The following KCNS3 variants were observed in gnomAD, a reference collection of about 807,000 sequenced individuals.
KCNS3 encodes the protein delayed-rectifier potassium channel regulatory subunit KCNS3.
Under a neutral mutation model 31.0 loss-of-function variants are expected in KCNS3, and 13 were observed. The ratio of observed to expected loss-of-function variants is 0.42; its 90% CI spans 0.27 to 0.67. KCNS3 has a LOEUF of 0.67. Ranked by LOEUF, KCNS3 falls within the 30% of genes least tolerant of loss-of-function variation. KCNS3 has a pLI of 0.25. For missense variants in KCNS3, 545 were observed against 622.4 expected (o/e 0.88, Z 1.32); for synonymous variants, 238 against 241.5 (o/e 0.99, Z 0.13).
Position 17,922,771 on chromosome 2 carries a change from C to CT in KCNS3, c.-60+4907dup, listed in dbSNP as rs200811821. On this transcript the variant is annotated intron_variant, in intron 2 of 2. Coordinates refer to ENST00000304101, the MANE Select transcript of KCNS3 (RefSeq NM_002252.5). ...AATACAATATATGATCTTTTATTGT[C>CT]TTTTTTTAAGTAGACCTTTTTCATT... 5.3e-4 allele frequency among the ~76,000 whole-genome samples: 79 copies of CT among 150,276 alleles called. No individual in the cohort carries two copies. The East Asian group carries it at 0.011, about 21-fold the overall frequency.
chr2:17,909,113 G>C (rs190875765), intron 1 of KCNS3, among the ~76,000 whole-genome samples: 3 of 152,332 alleles, frequency 2.0e-5, no homozygotes, highest in Non-Finnish European at 4.4e-5. Flanking sequence ...CACCCAGTTC[G>C]AGCTTCTGGG....
At chr2:17,921,956 T>TATATATATATAA (rs1572501102) in intron 2 of KCNS3, among the ~76,000 whole-genome samples, 2 of 136,732 alleles carry the variant, frequency 1.5e-5, no homozygotes, top group East Asian at 2.1e-4. Context: ...TATATATATA[T>TATATATATATAA]ATAAATACAT....
chr2:17,911,750 A>G (rs1399608473), intron 1 of KCNS3, among the ~76,000 whole-genome samples: 1 of 152,230 alleles, frequency 6.6e-6, no homozygotes, highest in Admixed American at 6.5e-5. Flanking sequence ...TTTTACATGC[A>G]GTAGAGCTGT....
chr2:17,911,650 A>G (rs1662473742), intron 1 of KCNS3, among the ~76,000 whole-genome samples: 1 of 152,232 alleles, frequency 6.6e-6, no homozygotes. Flanking sequence ...TTTACTCTAA[A>G]AAGACATATT....
chr2:17,924,441 A>T (rs1336053966), intron 2 of KCNS3, among the ~76,000 whole-genome samples: 2 of 152,102 alleles, frequency 1.3e-5, no homozygotes, highest in Admixed American at 1.3e-4. Context: ...CCTGATCTTA[A>T]GAGAAATGCT....
At chr2:17,925,987 C>G (rs1390648752) in intron 2 of KCNS3, among the ~76,000 whole-genome samples, 1 of 152,162 alleles carries the variant, frequency 6.6e-6, no homozygotes, top group African/African-American at 2.4e-5. Flanking sequence ...TAGTTACTAC[C>G]AAGATACAAT....
chr2:17,922,890 A>C (rs1662750319), intron 2 of KCNS3, among the ~76,000 whole-genome samples: 1 of 152,166 alleles, frequency 6.6e-6, no homozygotes, highest in South Asian at 2.1e-4. Flanking sequence ...CGCTATTATG[A>C]ATAATGCTGC....
At chr2:17,930,823 A>G in intron 2 of KCNS3, 127 bp from the exon 3 acceptor site, 1 of 582,524 alleles carries the variant, frequency 1.7e-6, no homozygotes, top group Non-Finnish European at 2.9e-6. Flanking sequence ...ATAATAATGT[A>G]TTCATTTTTA....
At chr2:17,883,434 C>T (rs934942228) in intron 1 of KCNS3, among the ~76,000 whole-genome samples, 38 of 151,986 alleles carry the variant, frequency 2.5e-4, no homozygotes, top group African/African-American at 8.4e-4. Context: ...GGGAGGGAGA[C>T]AGGCATTAAA....
At chr2:17,888,667 ATAT>A (rs1661763819) in intron 1 of KCNS3, among the ~76,000 whole-genome samples, 1 of 137,468 alleles carries the variant, frequency 7.3e-6, no homozygotes, top group Non-Finnish European at 1.6e-5. Flanking sequence ...ATATATATAT[ATAT>A]ATAAAGAAAA....
chr2:17,887,237 A>C (rs1055321304), intron 1 of KCNS3, among the ~76,000 whole-genome samples: 1 of 151,998 alleles, frequency 6.6e-6, no homozygotes, highest in Non-Finnish European at 1.5e-5. Context: ...TACACTGCAC[A>C]ATATTTGTAC....
chr2:17,895,766 A>G (rs1444184520), intron 1 of KCNS3, among the ~76,000 whole-genome samples: 1 of 152,200 alleles, frequency 6.6e-6, no homozygotes, highest in Non-Finnish European at 1.5e-5. Context: ...ATTTGGACTG[A>G]TTTCTTGAAG....
intron 1 of KCNS3, among the ~76,000 whole-genome samples, chr2:17,894,445 T>C (rs565451204): frequency 2.0e-5 from 3 of 152,336 alleles, no homozygotes; most frequent in Admixed American, 1.3e-4. Context: ...GAGCATATTA[T>C]ATTTTTTTGT....
intron 1 of KCNS3, among the ~76,000 whole-genome samples, chr2:17,916,779 T>A (rs1288286527): frequency 6.6e-6 from 1 of 151,108 alleles, no homozygotes; most frequent in African/African-American, 2.5e-5. Flanking sequence ...GCCCAGCAGA[T>A]CATAAACCAC....
chr2:17,887,253 T>C (rs1661685908), intron 1 of KCNS3, among the ~76,000 whole-genome samples: 1 of 152,090 alleles, frequency 6.6e-6, no homozygotes, highest in Non-Finnish European at 1.5e-5. Context: ...TGTACTCTTT[T>C]AATCCCTCCC....
chr2:17,898,691 A>G (rs867721854), intron 1 of KCNS3, among the ~76,000 whole-genome samples: 5 of 152,304 alleles, frequency 3.3e-5, no homozygotes, highest in Middle Eastern at 3.4e-3. Flanking sequence ...AAAGGGGCGC[A>G]AGGAGAGAAC....
intron 1 of KCNS3, among the ~76,000 whole-genome samples, chr2:17,887,125 A>G (rs7587293): frequency 0.33 from 49,915 of 151,332 alleles, 8,871 homozygotes; most frequent in East Asian, 0.58. Context: ...TATTGTTTTT[A>G]TTTTTCCATA....
intron 1 of KCNS3, among the ~76,000 whole-genome samples, chr2:17,916,131 T>C (rs1211345322): frequency 6.6e-6 from 1 of 152,248 alleles, no homozygotes; most frequent in Non-Finnish European, 1.5e-5. Flanking sequence ...TTTTCTTTAG[T>C]AATTAATATA....
chr2:17,909,632 G>C (rs1662425329), intron 1 of KCNS3, among the ~76,000 whole-genome samples: 1 of 152,144 alleles, frequency 6.6e-6, no homozygotes, highest in Non-Finnish European at 1.5e-5. Context: ...ATTTTAGATA[G>C]GCTAACTGAG....
Sources: gnomAD v4.1 joint callset for allele counts (sites outside exome capture counted in the v4.1 genomes callset) on GRCh38, gnomAD v4.1.1 for gene constraint, MANE v1.5 for transcripts, NCBI Gene and HGNC (gene_info 2026-07-23, HGNC 2026-07-21) for gene names.